Variants in SLC38A12 observed in about 807,000 individuals in gnomAD.
SLC38A12 encodes the protein solute carrier family 38 member 12, also known as putative sodium-coupled neutral amino acid transporter 12.
chr17:74,790,935 C>T, the SLC38A12 span: 1 of 1,613,314 alleles, frequency 6.2e-7, no homozygotes. Flanking sequence ...CTTCCTCTTC[C>T]TTGTTCTTTT....
the SLC38A12 span, among the ~76,000 whole-genome samples, chr17:74,799,351 G>A: frequency 3.3e-5 from 5 of 152,326 alleles, no homozygotes; most frequent in Admixed American, 6.5e-5. Context: ...CTGGAGACCC[G>A]GCCGCAAACT....
At chr17:74,831,201 A>G in the SLC38A12 span, among the ~76,000 whole-genome samples, 1 of 152,140 alleles carries the variant, frequency 6.6e-6, no homozygotes, top group Non-Finnish European at 1.5e-5. Context: ...CCCCACAGCT[A>G]GTGTGCCTGA....
the SLC38A12 span, chr17:74,777,147 A>G: frequency 4.4e-6 from 3 of 677,434 alleles, no homozygotes; most frequent in Non-Finnish European, 5.2e-6. Context: ...TGTGACAGAT[A>G]CTGAGGCCCT....
the SLC38A12 span, among the ~76,000 whole-genome samples, chr17:74,797,129 C>T: frequency 6.6e-6 from 1 of 152,196 alleles, no homozygotes; most frequent in East Asian, 1.9e-4. Flanking sequence ...ACCAGCAAAA[C>T]GGATACTGAG....
chr17:74,832,562 G>A, the SLC38A12 span, among the ~76,000 whole-genome samples: 1 of 152,232 alleles, frequency 6.6e-6, no homozygotes, highest in African/African-American at 2.4e-5. Context: ...TGGTGTGTGA[G>A]CGCCCTGAGT....
the SLC38A12 span, among the ~76,000 whole-genome samples, chr17:74,814,899 A>T: frequency 6.6e-6 from 1 of 152,236 alleles, no homozygotes; most frequent in African/African-American, 2.4e-5. Context: ...GCCTACTGGA[A>T]TGAAGTCAGG....
At chr17:74,835,458 A>T in the SLC38A12 span, among the ~76,000 whole-genome samples, 1 of 151,790 alleles carries the variant, frequency 6.6e-6, no homozygotes, top group Middle Eastern at 3.4e-3. Flanking sequence ...TTCTTCGTCT[A>T]CCCCCCAGCA....
At chr17:74,791,283 C>G in the SLC38A12 span, among the ~76,000 whole-genome samples, 1 of 152,200 alleles carries the variant, frequency 6.6e-6, no homozygotes. Flanking sequence ...CAGGCAGCTA[C>G]TCCAGCCAGG....
the SLC38A12 span, among the ~76,000 whole-genome samples, chr17:74,799,027 C>T: frequency 0.025 from 1 of 40 alleles, no homozygotes; most frequent in Non-Finnish European, 0.056. Context: ...GCGTGTGTCA[C>T]TCTCCCCCTG....
At chr17:74,807,429 C>T in the SLC38A12 span, among the ~76,000 whole-genome samples, 1 of 152,266 alleles carries the variant, frequency 6.6e-6, no homozygotes, top group Non-Finnish European at 1.5e-5. Context: ...GACGCCACTG[C>T]TGGGCCTGTG....
At chr17:74,801,316 G>A in the SLC38A12 span, among the ~76,000 whole-genome samples, 3 of 152,226 alleles carry the variant, frequency 2.0e-5, no homozygotes, top group African/African-American at 2.4e-5. Flanking sequence ...TGGTGGCACC[G>A]CAGGTGCACT....
chr17:74,831,530 G>A, the SLC38A12 span, among the ~76,000 whole-genome samples: 29 of 152,280 alleles, frequency 1.9e-4, no homozygotes, highest in East Asian at 2.3e-3. Context: ...GCAGCCGCTC[G>A]TGTGACCTGT....
chr17:74,832,455 G>A, the SLC38A12 span, among the ~76,000 whole-genome samples: 3 of 152,294 alleles, frequency 2.0e-5, no homozygotes, highest in South Asian at 6.2e-4. Flanking sequence ...ATTTCCACTG[G>A]GAAGCTGGTC....
chr17:74,801,093 A>T, the SLC38A12 span, among the ~76,000 whole-genome samples: 1 of 152,188 alleles, frequency 6.6e-6, no homozygotes, highest in Non-Finnish European at 1.5e-5. Flanking sequence ...GGTCGGGGAC[A>T]TCCAAGTGCC....
the SLC38A12 span, among the ~76,000 whole-genome samples, chr17:74,819,571 C>T: frequency 6.6e-6 from 1 of 152,228 alleles, no homozygotes; most frequent in South Asian, 2.1e-4. Flanking sequence ...GCTTTTGTTC[C>T]ACCCCTGGCA....
chr17:74,800,320 A>G, the SLC38A12 span, among the ~76,000 whole-genome samples: 34 of 152,058 alleles, frequency 2.2e-4, no homozygotes, highest in Non-Finnish European at 4.3e-4. Context: ...TCTGCCCATC[A>G]TTGTCACCGA....
the SLC38A12 span, among the ~76,000 whole-genome samples, chr17:74,799,663 C>T: frequency 2.6e-5 from 4 of 152,304 alleles, no homozygotes; most frequent in African/African-American, 9.6e-5. Flanking sequence ...AGGTTGACAC[C>T]GGAAGGGTCA....
At chr17:74,829,533 G>A in the SLC38A12 span, among the ~76,000 whole-genome samples, 1 of 152,196 alleles carries the variant, frequency 6.6e-6, no homozygotes, top group Admixed American at 6.6e-5. This position sits in a 1 kb window ranked among gnomAD's most constrained non-coding sequence, Gnocchi z 4.1. Context: ...TTCTCTGTCA[G>A]AGCCCAATGG....
the SLC38A12 span, among the ~76,000 whole-genome samples, chr17:74,780,243 A>G: frequency 6.6e-6 from 1 of 152,200 alleles, no homozygotes; most frequent in African/African-American, 2.4e-5. Context: ...GACAATTGTC[A>G]GAGGGGAAGC....
Sources: allele counts gnomAD v4.1 joint callset (sites outside exome capture counted in the v4.1 genomes callset), GRCh38; gene constraint gnomAD v4.1.1; non-coding constraint Gnocchi (gnomAD v3.1); transcripts MANE v1.5; gene names NCBI Gene and HGNC (gene_info 2026-07-23, HGNC 2026-07-21).